Variants in MRAP observed in about 807,000 individuals in gnomAD.
The protein encoded by MRAP is melanocortin-2 receptor accessory protein.
MRAP carries 8 observed loss-of-function variants against 8.7 expected under a neutral mutation model. The observed-to-expected ratio is 0.92, with a 90% CI of 0.54 to 1.66. MRAP has a LOEUF of 1.66. Ranked by LOEUF, MRAP falls within the 40% of genes most tolerant of loss-of-function variation. The pLI is 0.00. For missense variants in MRAP, 237 were observed against 217.1 expected, an observed-to-expected ratio of 1.09 and a Z score of -0.58; for synonymous variants, 95 against 95.5, an observed-to-expected ratio of 1.00 and a Z score of 0.03.
chr21:32,293,490 A>G (rs2032087446), intron 2 of MRAP, among the ~76,000 whole-genome samples: 1 of 152,188 alleles, frequency 6.6e-6, no homozygotes, highest in Non-Finnish European at 1.5e-5. Context: ...AGACGGCTGT[A>G]TCTGGCTGTA....
chr21:32,298,830 G>A (rs993527003), upstream of MRAP: 1 of 687,218 alleles, frequency 1.5e-6, no homozygotes, highest in Non-Finnish European at 2.7e-6. Context: ...TCTGATAAGT[G>A]GGCAGACCTT....
At chr21:32,314,729 C>T (rs993267256), downstream of MRAP, 103 of 1,509,960 alleles carry the variant, frequency 6.8e-5, no homozygotes, top group Non-Finnish European at 8.1e-5. Context: ...CCTACAGGCC[C>T]GAGTTTATCA....
At chr21:32,295,741 C>T (rs944260103), upstream of MRAP, among the ~76,000 whole-genome samples, 12 of 151,972 alleles carry the variant, frequency 7.9e-5, no homozygotes, top group Non-Finnish European at 1.3e-4. Flanking sequence ...TTTGAGAGGC[C>T]GAGGCAGGCG....
intron 1 of MRAP, among the ~76,000 whole-genome samples, chr21:32,304,753 T>A (rs1394056277): frequency 1.3e-5 from 2 of 152,002 alleles, no homozygotes; most frequent in Non-Finnish European, 2.9e-5. Flanking sequence ...CTTAAACAGT[T>A]CCCTGCTCTA....
At position 32,298,930 on chromosome 21, in the gene MRAP, C is replaced by T. The variant is rs376404071; in HGVS notation, c.-42C>T. 76 of 1,471,584 alleles carry T rather than the reference C, an allele frequency of 5.2e-5. No homozygotes were observed. Among genetic ancestry groups the T allele is most frequent in the African/African-American group, 4.2e-5 (3 of 72,100 alleles). 91.2% of individuals were successfully genotyped at this position (1,471,584 alleles called of 1,614,324 possible). A position where few individuals can be genotyped will look rare whatever the true frequency, so the allele number is the denominator to read the frequency against. ...CAGGGGCTTGGCGCCTGGCTCGAGG[C>T]GAGGCTGCCGGCCCGGACGCTGACT... On this transcript the variant is annotated 5_prime_UTR_variant, in exon 1 of 3. Transcript: ENST00000303645.
In MRAP at chr21:32,299,071, C is replaced by G; in HGVS notation, c.100C>G (p.His34Asp). 1 of 1,613,694 alleles carries G rather than the reference C, an allele frequency of 6.2e-7. No homozygotes were observed. Among genetic ancestry groups the G allele is most frequent in the Non-Finnish European group, 8.5e-7 (1 of 1,179,656 alleles). Residue 34 changes from histidine to aspartate, a missense_variant, in exon 1 of 3, where the codon CAC becomes GAC. Physicochemically the swap from His to Asp is moderately conservative, Grantham distance 81. Coordinates refer to ENST00000303645, the MANE Select transcript of MRAP (RefSeq NM_001379228.1). ...IPVDEKKLKAHKHSIVIAFWV... is the reference protein window; with the variant it reads ...IPVDEKKLKADKHSIVIAFWV... Reference sequence around the variant, plus strand: ...CGTGGACGAGAAGAAGCTGAAAGCCCACAAACGTAAGTCTGAACTAGGGAA... The same window carrying G: ...CGTGGACGAGAAGAAGCTGAAAGCCGACAAACGTAAGTCTGAACTAGGGAA...
chr21:32,307,946 A>G (rs2032459896), intron 2 of MRAP, among the ~76,000 whole-genome samples: 1 of 152,230 alleles, frequency 6.6e-6, no homozygotes, highest in Admixed American at 6.5e-5. Context: ...ACTGAAGACC[A>G]CTGAAATTGT....
chr21:32,310,393 G>T (rs2032530786), intron 2 of MRAP, among the ~76,000 whole-genome samples: 1 of 152,188 alleles, frequency 6.6e-6, no homozygotes, highest in Non-Finnish European at 1.5e-5. Flanking sequence ...AGTGCCATCT[G>T]AAAGCATGGC....
chr21:32,314,580 C>G (rs2032649300), downstream of MRAP: 1 of 1,614,102 alleles, frequency 6.2e-7, no homozygotes, highest in Admixed American at 1.7e-5. Flanking sequence ...CTTCTGCATT[C>G]AGAAGTGCTG....
chr21:32,306,612 C>T (rs755852895), intron 1 of MRAP, 28 bp from the exon 2 acceptor site: 7 of 1,596,942 alleles, frequency 4.4e-6, no homozygotes, highest in Middle Eastern at 1.6e-4. Flanking sequence ...CATAACCCAG[C>T]GCTGAGATGC....
intron 1 of MRAP, among the ~76,000 whole-genome samples, chr21:32,303,325 T>C (rs1209233732): frequency 2.0e-5 from 3 of 152,210 alleles, no homozygotes; most frequent in South Asian, 2.1e-4. Context: ...CAAACGTTAG[T>C]AGAATGAAGA....
At position 32,312,025 on chromosome 21, in the gene MRAP, G is replaced by C. The variant is rs1044159110; in HGVS notation, c.*29G>C. 1.2e-6 allele frequency: 2 copies of C among 1,612,358 alleles called. No homozygotes were observed. The highest frequency in any genetic ancestry group is 1.7e-6 in the Non-Finnish European group (2 of 1,180,022). On this transcript the variant is annotated 3_prime_UTR_variant, in exon 3 of 3. Coordinates refer to ENST00000303645, the MANE Select transcript of MRAP (RefSeq NM_001379228.1). ...CAGTAAATCGTGGCCATAGCTGAGT[G>C]AACTGGTGAAATCAAGCCAACCTGG...
At chr21:32,295,879 G>A (rs2032130736), upstream of MRAP, among the ~76,000 whole-genome samples, 1 of 152,158 alleles carries the variant, frequency 6.6e-6, no homozygotes, top group Non-Finnish European at 1.5e-5. Context: ...GGGAGGCTGA[G>A]GCAGGAGAAT....
intron 1 of MRAP, among the ~76,000 whole-genome samples, chr21:32,300,706 T>TGTCAC (rs1601098407): frequency 1.9e-3 from 29 of 15,050 alleles, no homozygotes; most frequent in South Asian, 7.5e-3. Context: ...AGGGGCGTCA[T>TGTCAC]GCGTCCTATG....
chr21:32,310,288 T>A lies in MRAP; in HGVS notation c.207-1396T>A, dbSNP rs565261820. On this transcript the variant is annotated intron_variant, in intron 2 of 2. Transcript: ENST00000303645. ...ATGCTCAGGGCGGCAAAGTGGATCC[T>A]CAGCAAGATTTAGGAGTCATTCCCT... Among the ~76,000 whole-genome samples, 8 of 147,972 alleles carry A rather than the reference T, an allele frequency of 5.4e-5. No homozygotes were observed. In the East Asian group the frequency reaches 1.7e-3, roughly 32 times the overall value.
intron 1 of MRAP, among the ~76,000 whole-genome samples, chr21:32,301,332 T>G (rs550359264): frequency 6.6e-6 from 1 of 152,328 alleles, no homozygotes. Flanking sequence ...CACCATGCCC[T>G]TGGTGCTTTC....
chr21:32,301,872 C>T (rs925730934), intron 1 of MRAP, among the ~76,000 whole-genome samples: 1 of 152,190 alleles, frequency 6.6e-6, no homozygotes, highest in Non-Finnish European at 1.5e-5. Context: ...CAAAATGACA[C>T]TGTCAACCAA....
chr21:32,311,724 G>A lies in MRAP; in HGVS notation c.247G>A (p.Gly83Ser), dbSNP rs200277269. ...KHHQTCPWSH[G>S]LNLHLCIQKC... The stretch of plus-strand genomic sequence containing the variant: ...CCACCAAACATGCCCCTGGAGTCAC[G>A]GCCTCAACCTCCACCTCTGCATCCA... Residue 83 changes from glycine (G) to serine (S), a missense_variant, in exon 3 of 3, where the codon GGC (glycine) becomes AGC (serine). Coordinates refer to ENST00000303645, the MANE Select transcript of MRAP (RefSeq NM_001379228.1). 108 of 1,613,974 alleles carry A rather than the reference G, an allele frequency of 6.7e-5. No individual in the cohort carries two copies. In the African/African-American group the frequency reaches 8.7e-4, roughly 13 times the overall value.
At chr21:32,294,962 G>T (rs2032114900), upstream of MRAP, among the ~76,000 whole-genome samples, 1 of 151,772 alleles carries the variant, frequency 6.6e-6, no homozygotes, top group Non-Finnish European at 1.5e-5. Context: ...AAACATTTAT[G>T]ATAGTATCAA....
Sources: gnomAD v4.1 joint callset for allele counts (sites outside exome capture counted in the v4.1 genomes callset) on GRCh38, gnomAD v4.1.1 for gene constraint, MANE v1.5 for transcripts, NCBI Gene and HGNC (gene_info 2026-07-23, HGNC 2026-07-21) for gene names.